Variants in DLC1 observed in about 807,000 individuals in gnomAD.
DLC1 encodes the protein rho GTPase-activating protein 7.
In DLC1, 54 loss-of-function variants were observed where a neutral mutation model predicts 140.3. The ratio of observed to expected loss-of-function variants is 0.38; its 90% CI spans 0.31 to 0.48. The LOEUF is 0.48. Among genes scored for constraint, DLC1 ranks in the 20% least tolerant of loss-of-function variants. The pLI, the probability that DLC1 is intolerant of heterozygous loss-of-function variation, is 0.96. For missense variants in DLC1, 2,536 were observed against 1,907.0 expected, an observed-to-expected ratio of 1.33 and a Z score of -6.14; for synonymous variants, 986 against 728.1, an observed-to-expected ratio of 1.35 and a Z score of -5.70.
chr8:13,259,030 T>G (rs886279560), intron 5 of DLC1, among the ~76,000 whole-genome samples: 5 of 149,604 alleles, frequency 3.3e-5, no homozygotes, highest in African/African-American at 1.2e-4. Context: ...CCAGCTACTC[T>G]GGAGGCTGAG....
At chr8:13,404,703 T>G (rs1042976093) in intron 2 of DLC1, among the ~76,000 whole-genome samples, 1 of 152,042 alleles carries the variant, frequency 6.6e-6, no homozygotes, top group African/African-American at 2.4e-5. Flanking sequence ...GATGTCAAGT[T>G]TGTGTACTTC....
intron 4 of DLC1, among the ~76,000 whole-genome samples, chr8:13,355,028 A>G (rs1399280236): frequency 1.3e-5 from 2 of 152,120 alleles, no homozygotes; most frequent in African/African-American, 4.8e-5. Flanking sequence ...AAATAATGAA[A>G]CATTATTGGG....
rs370116576 is a variant in DLC1, at chr8:13,478,025, C to A, written c.1023+21024G>T. Among the ~76,000 whole-genome samples, 356 of 152,116 alleles carry A rather than the reference C, an allele frequency of 2.3e-3. 11 individuals carry two copies. The South Asian group carries it at 0.066, about 28-fold the overall frequency. ...ACATGAACATGGTACTAGGGAAAAC[C>A]AGGCAGAGAACACCGTCCATGTATT... On this transcript the variant is annotated intron_variant, in intron 2 of 17. Transcript: ENST00000276297.
chr8:13,330,027 T>C (rs1833522943), intron 4 of DLC1, among the ~76,000 whole-genome samples: 1 of 152,142 alleles, frequency 6.6e-6, no homozygotes, highest in Non-Finnish European at 1.5e-5. Flanking sequence ...TGCAGTGGCA[T>C]GATCGTAGCT....
intron 5 of DLC1, among the ~76,000 whole-genome samples, chr8:13,221,264 A>C (rs928935038): frequency 5.3e-5 from 8 of 152,228 alleles, no homozygotes; most frequent in Admixed American, 4.6e-4. Context: ...CCAAATAGAG[A>C]CATCTAGATT....
At chr8:13,158,908 G>A (rs1191082111) in intron 5 of DLC1, among the ~76,000 whole-genome samples, 3 of 152,048 alleles carry the variant, frequency 2.0e-5, no homozygotes, top group South Asian at 4.2e-4. Flanking sequence ...ACTAACACTG[G>A]AGTCTGGGTT....
chr8:13,570,897 A>T (rs1804630274), intron 1 of DLC1, among the ~76,000 whole-genome samples: 1 of 152,002 alleles, frequency 6.6e-6, no homozygotes, highest in South Asian at 2.1e-4. Context: ...AACCTACCAG[A>T]CCCCTGTCCT....
intron 1 of DLC1, among the ~76,000 whole-genome samples, chr8:13,594,663 C>CT (rs1446919057): frequency 2.0e-5 from 3 of 152,106 alleles, no homozygotes; most frequent in East Asian, 1.9e-4. Context: ...TCCTGAAAAC[C>CT]TTTTTTCTTT....
chr8:13,547,243 T>C (rs904533161), intron 1 of DLC1, among the ~76,000 whole-genome samples: 4 of 152,216 alleles, frequency 2.6e-5, no homozygotes, highest in African/African-American at 9.6e-5. Context: ...TGAATATTTT[T>C]AGTAATTATT....
intron 4 of DLC1, among the ~76,000 whole-genome samples, chr8:13,315,964 T>A (rs145981674): frequency 2.0e-5 from 3 of 152,322 alleles, no homozygotes; most frequent in East Asian, 3.9e-4. Context: ...GAGAACGAAG[T>A]TCTTGCTTTA....
chr8:13,235,019 A>G (rs1384615856), intron 5 of DLC1, among the ~76,000 whole-genome samples: 1 of 152,050 alleles, frequency 6.6e-6, no homozygotes. Context: ...ATTTGTTACT[A>G]TTTTGATTTT....
In DLC1 at chr8:13,567,496, C is replaced by G. The variant is rs1249050314; in HGVS notation, c.-126+37041G>C. 14 of 1,551,866 alleles carry G rather than the reference C, an allele frequency of 9.0e-6. No homozygotes were observed. In the African/African-American group the frequency reaches 1.8e-4, roughly 20 times the overall value. On this transcript the variant is annotated intron_variant, in intron 1 of 1. Coordinates refer to the DLC1 transcript ENST00000631382. ...GAGAGATGCCTTTAGTTGTACTGTA[C>G]CCGATGAACTTTTGAACAGAATCTA...
At chr8:13,240,933 C>G (rs1394563898) in intron 5 of DLC1, among the ~76,000 whole-genome samples, 3 of 152,124 alleles carry the variant, frequency 2.0e-5, no homozygotes, top group Non-Finnish European at 2.9e-5. Context: ...ATTTGGCTCT[C>G]TGTTCTAACT....
intron 4 of DLC1, among the ~76,000 whole-genome samples, chr8:13,388,555 G>T (rs868552336): frequency 4.0e-5 from 6 of 151,778 alleles, no homozygotes; most frequent in South Asian, 2.1e-4. Context: ...TTACTAATTT[G>T]GTTCCCTTTA....
chr8:13,523,730 T>C (rs1478365942), intron 1 of DLC1, among the ~76,000 whole-genome samples: 1 of 151,984 alleles, frequency 6.6e-6, no homozygotes, highest in Non-Finnish European at 1.5e-5. Flanking sequence ...TAGAAGAAAA[T>C]TGAAAGCCAA....
At chr8:13,589,392 C>A (rs551015539) in intron 1 of DLC1, among the ~76,000 whole-genome samples, 2 of 152,184 alleles carry the variant, frequency 1.3e-5, no homozygotes, top group East Asian at 3.9e-4. Flanking sequence ...CTCCATTTCT[C>A]CTGAGAAAAT....
At chr8:13,473,374 T>TA (rs545928019) in intron 2 of DLC1, among the ~76,000 whole-genome samples, 7 of 152,192 alleles carry the variant, frequency 4.6e-5, no homozygotes, top group Non-Finnish European at 7.3e-5. Flanking sequence ...CTGATGGTTT[T>TA]AAAAACGGGG....
At chr8:13,468,733 A>G (rs944040814) in intron 2 of DLC1, among the ~76,000 whole-genome samples, 6 of 148,370 alleles carry the variant, frequency 4.0e-5, no homozygotes, top group African/African-American at 1.5e-4. Flanking sequence ...GGAGGTTGAC[A>G]TATTCATTTA....
chr8:13,453,428 A>ATATATATATATATATATG (rs1563359876), intron 2 of DLC1, among the ~76,000 whole-genome samples: 1 of 30,944 alleles, frequency 3.2e-5, no homozygotes, highest in Non-Finnish European at 5.8e-5. Flanking sequence ...ATATATGTGT[A>ATATATATATATATATATG]TATATATATG....
Sources: gnomAD v4.1 joint callset for allele counts (sites outside exome capture counted in the v4.1 genomes callset) on GRCh38, gnomAD v4.1.1 for gene constraint, MANE v1.5 for transcripts, NCBI Gene and HGNC (gene_info 2026-07-23, HGNC 2026-07-21) for gene names.